HDHD2: variants seen among roughly 807,000 people sequenced by gnomAD.
HDHD2 encodes the protein haloacid dehalogenase like hydrolase domain containing 2, also known as haloacid dehalogenase-like hydrolase domain-containing protein 2.
HDHD2 carries 26 observed loss-of-function variants against 24.8 expected under a neutral mutation model. That is an observed-to-expected ratio of 1.05 (90% CI 0.77 to 1.45). HDHD2 has a LOEUF of 1.45. Among genes scored for constraint, HDHD2 ranks in the 40% most tolerant of loss-of-function variants. The pLI is 0.00. For missense variants in HDHD2, 299 were observed against 313.4 expected (o/e 0.95, Z 0.35); for synonymous variants, 128 against 114.9 (o/e 1.11, Z -0.73).
Position 47,145,677 on chromosome 18 carries a change from A to G in HDHD2, c.-11+4701T>C, listed in dbSNP as rs534459378. ...TAAGGCAAAACTAAAACTTTTAGAT[A>G]GGAGAGTATCTTCATGACTTGAGGA... is the stretch of plus-strand genomic sequence containing the variant. On this transcript the variant is annotated intron_variant, in intron 1 of 6. Transcript: ENST00000300605. 3.3e-5 allele frequency among the ~76,000 whole-genome samples: 5 copies of G among 152,350 alleles called. No homozygotes were observed. In the South Asian group the frequency reaches 1.0e-3, roughly 32 times the overall value.
intron 1 of HDHD2, among the ~76,000 whole-genome samples, chr18:47,142,569 GA>G (rs1159711600): frequency 6.6e-6 from 1 of 152,054 alleles, no homozygotes; most frequent in Non-Finnish European, 1.5e-5. Context: ...TTCTCATAAA[GA>G]AAAAACTTGT....
At chr18:47,133,267 T>C (rs1599949015) in intron 3 of HDHD2, among the ~76,000 whole-genome samples, 1 of 151,858 alleles carries the variant, frequency 6.6e-6, no homozygotes, top group East Asian at 1.9e-4. Context: ...GTCCTTGCAA[T>C]AGTTTGCTGA....
At chr18:47,148,161 T>C (rs1033095510) in intron 1 of HDHD2, among the ~76,000 whole-genome samples, 3 of 152,112 alleles carry the variant, frequency 2.0e-5, no homozygotes, top group Non-Finnish European at 2.9e-5. Context: ...CACCTAATTT[T>C]TGTACTTTTA....
chr18:47,121,564 T>C lies in HDHD2; in HGVS notation c.396-6216A>G, dbSNP rs182795910. Among the ~76,000 whole-genome samples, 302 of 152,362 alleles carry C rather than the reference T, an allele frequency of 2.0e-3. 1 individual carries two copies. In the Middle Eastern group the frequency reaches 0.031, roughly 15 times the overall value. ...TCTCTTGACCTATTACTCCAATCCATTGTATAAGCAATAGCAGGAGTTTTG... is the reference window on the plus strand; with the variant it reads ...TCTCTTGACCTATTACTCCAATCCACTGTATAAGCAATAGCAGGAGTTTTG... On this transcript the variant is annotated intron_variant, in intron 4 of 6. Transcript: ENST00000300605.
At chr18:47,110,480 G>T in intron 6 of HDHD2, 1 of 984,614 alleles carries the variant, frequency 1.0e-6, no homozygotes. Context: ...ATTACTATAT[G>T]ACCTACTTTC....
rs753683291 is a variant in HDHD2 at position 47,134,699 on chromosome 18, C to T, written c.107G>A (p.Arg36His). ...PGAQEALKRLRGASVIIRFVT... is the reference protein window; with the variant it reads ...PGAQEALKRLHGASVIIRFVT... ...AAACCTAATGATTACAGAAGCACCACGTAACCTGGAGAGGGCCAAATTCAG... is the reference window on the plus strand; with the variant it reads ...AAACCTAATGATTACAGAAGCACCATGTAACCTGGAGAGGGCCAAATTCAG... The change falls in exon 3 of 7, where the codon CGT becomes CAT. Residue 36 changes from arginine to histidine, a missense_variant. Physicochemically the swap from Arg to His is conservative, Grantham distance 29 (BLOSUM62 0). Coordinates refer to ENST00000300605, the MANE Select transcript of HDHD2 (RefSeq NM_032124.5). 6.2e-6 allele frequency: 10 copies of T among 1,613,706 alleles called. No individual in the cohort carries two copies. The highest frequency in any genetic ancestry group is 2.2e-5 in the East Asian group (1 of 44,870).
chr18:47,120,314 C>T (rs544143995), intron 4 of HDHD2, among the ~76,000 whole-genome samples: 2 of 152,372 alleles, frequency 1.3e-5, no homozygotes, highest in South Asian at 2.1e-4. Context: ...GTAGCTTCTA[C>T]ATCAGCACTT....
At chr18:47,135,531 G>C (rs1568057377) in intron 2 of HDHD2, among the ~76,000 whole-genome samples, 1 of 152,114 alleles carries the variant, frequency 6.6e-6, no homozygotes, top group African/African-American at 2.4e-5. Context: ...AAAGTGCTGG[G>C]ATTACAGGCG....
intron 4 of HDHD2, among the ~76,000 whole-genome samples, chr18:47,129,852 T>C (rs946458312): frequency 5.9e-5 from 9 of 152,092 alleles, no homozygotes; most frequent in Admixed American, 3.3e-4. Flanking sequence ...GGTGGGCAGA[T>C]TGCTTGAGCC....
At chr18:47,145,339 A>C (rs987685111) in intron 1 of HDHD2, among the ~76,000 whole-genome samples, 2 of 152,250 alleles carry the variant, frequency 1.3e-5, no homozygotes, top group Non-Finnish European at 2.9e-5. Flanking sequence ...GAAGAACAAG[A>C]AAGTAGGCGT....
chr18:47,138,043 G>A (rs893870437), intron 1 of HDHD2, among the ~76,000 whole-genome samples: 1 of 151,786 alleles, frequency 6.6e-6, no homozygotes, highest in Admixed American at 6.6e-5. Flanking sequence ...GCAGTTGCCT[G>A]TAATCCCAGC....
intron 6 of HDHD2, among the ~76,000 whole-genome samples, chr18:47,112,196 C>T (rs775780395): frequency 1.1e-4 from 17 of 152,194 alleles, no homozygotes; most frequent in Non-Finnish European, 1.9e-4. Flanking sequence ...CCTGTTCTTT[C>T]TTTATCTCGA....
chr18:47,144,095 G>A (rs973794567), intron 1 of HDHD2, among the ~76,000 whole-genome samples: 9 of 151,816 alleles, frequency 5.9e-5, no homozygotes, highest in South Asian at 2.1e-4. Context: ...GCACGCATGC[G>A]CATGTGTGTA....
At chr18:47,110,474 C>T in intron 6 of HDHD2, 3 of 984,796 alleles carry the variant, frequency 3.0e-6, no homozygotes, top group Non-Finnish European at 3.6e-6. Context: ...CTAAATATTA[C>T]TATATGACCT....
chr18:47,130,558 A>G (rs1205610510), intron 3 of HDHD2, among the ~76,000 whole-genome samples: 2 of 152,208 alleles, frequency 1.3e-5, no homozygotes, highest in African/African-American at 4.8e-5. Context: ...ATATTTTTCC[A>G]TATTCCTTGT....
chr18:47,108,989 G>T, intron 6 of HDHD2: 1 of 534,982 alleles, frequency 1.9e-6, no homozygotes, highest in Non-Finnish European at 3.3e-6. Flanking sequence ...CCTTTCCCCA[G>T]GCCCTCTGGT....
chr18:47,111,678 A>T, intron 6 of HDHD2: 1 of 985,402 alleles, frequency 1.0e-6, no homozygotes, highest in Non-Finnish European at 1.2e-6. Context: ...GCAAGGCTCC[A>T]ATGGTTCACT....
At chr18:47,119,505 G>A (rs576025523) in intron 4 of HDHD2, among the ~76,000 whole-genome samples, 2 of 152,328 alleles carry the variant, frequency 1.3e-5, no homozygotes, top group South Asian at 4.1e-4. Flanking sequence ...GTTTTATCAT[G>A]AGATCGCAGC....
At chr18:47,137,751 T>C (rs1055898331) in intron 1 of HDHD2, among the ~76,000 whole-genome samples, 1 of 152,146 alleles carries the variant, frequency 6.6e-6, no homozygotes, top group Non-Finnish European at 1.5e-5. Context: ...ATTTTATAAC[T>C]TTTTCTGCGT....
Sources: allele counts gnomAD v4.1 joint callset (sites outside exome capture counted in the v4.1 genomes callset), GRCh38; gene constraint gnomAD v4.1.1; transcripts MANE v1.5; gene names NCBI Gene and HGNC (gene_info 2026-07-23, HGNC 2026-07-21).